Variants in ZNF333 observed in about 807,000 individuals in gnomAD.
The protein encoded by ZNF333 is zinc finger protein 333.
ZNF333 carries 61 observed loss-of-function variants against 76.1 expected under a neutral mutation model. That is an observed-to-expected ratio of 0.80 (90% CI 0.65 to 0.99). The LOEUF is 0.99. Ranked by LOEUF, ZNF333 falls within the 50% of genes least tolerant of loss-of-function variation. The pLI, the probability that ZNF333 is intolerant of heterozygous loss-of-function variation, is 0.00. For synonymous variants in ZNF333, 284 were observed against 305.0 expected (o/e 0.93, Z 0.72); for missense variants, 717 against 822.4 (o/e 0.87, Z 1.57).
chr19:14,713,777 G>T (rs1034052043), intron 7 of ZNF333, among the ~76,000 whole-genome samples: 5 of 152,066 alleles, frequency 3.3e-5, no homozygotes, highest in African/African-American at 1.2e-4. Context: ...GGGCAACATA[G>T]TGAGACCCCC....
exon 12 of ZNF333, chr19:14,733,069 T>C (rs1425702916): frequency 6.6e-6 from 1 of 152,232 alleles, no homozygotes. Flanking sequence ...GACTCTGATA[T>C]TCCCCATCTC....
rs184335737 is a variant in ZNF333 at position 14,718,578 on chromosome 19, C to T, written c.1251C>T (p.Thr417=). 6.9e-5 allele frequency: 112 copies of T among 1,614,052 alleles called. No individual in the cohort carries two copies. The highest frequency in any genetic ancestry group is 2.3e-4 in the African/African-American group (17 of 75,014). ...SNLRRHMRTH[T]GEKPFECSQC... is the part of the protein sequence containing the mutation. ...TCCGGCGACACATGAGAACCCATAC[C>T]GGAGAGAAGCCATTTGAATGTAGTC... The change falls in exon 12 of 12, where the codon ACC becomes ACT. Residue 417 remains threonine, a synonymous_variant. Transcript: ENST00000292530.
intron 7 of ZNF333, chr19:14,715,038 CGTGT>C (rs5827254): frequency 0.68 from 115,353 of 170,536 alleles, 39,925 homozygotes; most frequent in African/African-American, 0.85. Context: ...TGAAGGCGTG[CGTGT>C]GTGTGTGTGT....
At chr19:14,722,556 G>T (rs1484300517), downstream of ZNF333, among the ~76,000 whole-genome samples, 2 of 152,052 alleles carry the variant, frequency 1.3e-5, no homozygotes, top group Admixed American at 6.6e-5. Context: ...CATTCTAGGG[G>T]TTACCTTTTT....
chr19:14,708,371 G>A (rs372798203), intron 7 of ZNF333: 2 of 401,252 alleles, frequency 5.0e-6, no homozygotes, highest in African/African-American at 2.0e-5. Context: ...ATGGGGACCA[G>A]GAAACAGTCA....
intron 11 of ZNF333, among the ~76,000 whole-genome samples, chr19:14,727,487 G>A (rs1026289118): frequency 6.6e-6 from 1 of 152,170 alleles, no homozygotes; most frequent in Admixed American, 6.5e-5. Context: ...GCAAGAGACA[G>A]AGTAGAGACG....
At position 14,718,518 on chromosome 19, in the gene ZNF333, A is replaced by G. The variant is rs2042503992; in HGVS notation, c.1191A>G (p.Gln397=). 2 of 1,614,138 alleles carry G rather than the reference A, an allele frequency of 1.2e-6. No individual in the cohort carries two copies. Among genetic ancestry groups the G allele is most frequent in the Non-Finnish European group, 1.7e-6 (2 of 1,180,054 alleles). ...THTAEKCFDC[Q]ECGQAFKYSS... ...CTGCAGAGAAGTGCTTTGACTGTCA[A>G]GAATGTGGGCAAGCCTTCAAATATT... Residue 397 remains glutamine (Q), a synonymous_variant, in exon 12 of 12, where the codon CAA becomes CAG. Coordinates refer to ENST00000292530, the MANE Select transcript of ZNF333 (RefSeq NM_032433.4).
In ZNF333 at chr19:14,721,217, G is replaced by C. The variant is rs2042576591; in HGVS notation, c.*1892G>C. On this transcript the variant is annotated 3_prime_UTR_variant, in exon 12 of 12. Transcript: ENST00000292530. Reference sequence around the variant, plus strand: ...GCTATCAAAGTCATCTGGGTGGCATGTGACAGGCCTGACTCTCTCTACAGT... The same window carrying C: ...GCTATCAAAGTCATCTGGGTGGCATCTGACAGGCCTGACTCTCTCTACAGT... The C allele has an allele frequency of 6.6e-6, 1 of 151,974 alleles. No homozygotes were observed. The highest frequency in any genetic ancestry group is 2.5e-5 in the African/African-American group (1 of 40,734). 9.4% of individuals were successfully genotyped at this position (151,974 alleles called of 1,614,324 possible). A position where few individuals can be genotyped will look rare whatever the true frequency, so the allele number is the denominator to read the frequency against.
intron 6 of ZNF333, chr19:14,705,962 AG>A: frequency 2.6e-6 from 1 of 386,796 alleles, no homozygotes; most frequent in Non-Finnish European, 5.3e-6. Flanking sequence ...CTGCATGAGG[AG>A]AAAAGGCCTC....
At chr19:14,704,233 C>T (rs545530365) in intron 5 of ZNF333, among the ~76,000 whole-genome samples, 27 of 151,984 alleles carry the variant, frequency 1.8e-4, no homozygotes, top group Non-Finnish European at 3.1e-4. Flanking sequence ...TGGTGACTGC[C>T]GTAGGTGGGG....
chr19:14,699,304 C>G, intron 5 of ZNF333, 23 bp downstream of exon 5: 1 of 1,602,904 alleles, frequency 6.2e-7, no homozygotes. Context: ...GGGTTTTCCC[C>G]GGCTCCCAGC....
chr19:14,728,011 A>T (rs145996620), intron 11 of ZNF333, among the ~76,000 whole-genome samples: 5,364 of 152,254 alleles, frequency 0.035, 339 homozygotes, highest in African/African-American at 0.12. Context: ...TCACGAGGTC[A>T]GGAGATCGAG....
chr19:14,696,061 C>T (rs1383159883), intron 4 of ZNF333, among the ~76,000 whole-genome samples: 1 of 152,118 alleles, frequency 6.6e-6, no homozygotes, highest in Non-Finnish European at 1.5e-5. Context: ...ATCCCAGCTA[C>T]TTGGGAGGCT....
intron 1 of ZNF333, among the ~76,000 whole-genome samples, chr19:14,692,467 A>AG (rs1362531906): frequency 2.0e-5 from 3 of 152,174 alleles, no homozygotes; most frequent in Non-Finnish European, 4.4e-5. Flanking sequence ...CAGGTGAGAG[A>AG]GGGAGGCAGG....
intron 5 of ZNF333, among the ~76,000 whole-genome samples, chr19:14,703,424 C>T (rs1055160574): frequency 1.1e-4 from 17 of 152,104 alleles, no homozygotes; most frequent in South Asian, 4.1e-4. Flanking sequence ...ATAGGCAGAA[C>T]GCCTAAAAAC....
At position 14,699,314 on chromosome 19, in the gene ZNF333, CA is replaced by C. The variant is rs753535030; in HGVS notation, c.306+34del. On this transcript the variant is annotated intron_variant, in intron 5 of 11. Coordinates refer to ENST00000292530, the MANE Select transcript of ZNF333 (RefSeq NM_032433.4). ...GCACGGGGTTTTCCCCGGCTCCCAG[CA>C]TGGGAGAAGTTGAGGAACACGTGAG... 6.2e-5 allele frequency: 98 copies of C among 1,585,394 alleles called. 1 individual carries two copies. In the African/African-American group the frequency reaches 1.3e-3, roughly 20 times the overall value.
rs755270500 is a variant in ZNF333, at chr19:14,718,774, T to C, written c.1447T>C (p.Cys483Arg). 7.4e-6 allele frequency: 12 copies of C among 1,613,886 alleles called. No individual in the cohort carries two copies. The Admixed American group carries it at 1.2e-4, about 16-fold the overall frequency. The change falls in exon 12 of 12, where the codon TGT (cysteine) becomes CGT (arginine). Residue 483 changes from cysteine (C) to arginine (R), a missense_variant. By Grantham distance (180) the Cys-to-Arg change is radical (BLOSUM62 -3). Coordinates refer to ENST00000292530, the MANE Select transcript of ZNF333 (RefSeq NM_032433.4). ...TGEKPFECSQ[C>R]GKAFREHSSL... ...AGAGAAGCCCTTTGAATGCAGCCAG[T>C]GTGGGAAAGCCTTCAGGGAACACTC...
chr19:14,715,650 C>T (rs770749406), intron 8 of ZNF333, among the ~76,000 whole-genome samples, 180 bp downstream of exon 8: 33 of 152,190 alleles, frequency 2.2e-4, no homozygotes, highest in Non-Finnish European at 4.0e-4. Flanking sequence ...CTCATTCAGA[C>T]CCTCCCCAGG....
intron 9 of ZNF333, 26 bp from the exon 10 acceptor site, chr19:14,716,965 CACA>C: frequency 6.3e-7 from 1 of 1,590,666 alleles, no homozygotes; most frequent in Non-Finnish European, 8.6e-7. Context: ...ACAGTCCTCG[CACA>C]ACATGTGTTT....
Sources: gnomAD v4.1 joint callset for allele counts (sites outside exome capture counted in the v4.1 genomes callset) on GRCh38, gnomAD v4.1.1 for gene constraint, MANE v1.5 for transcripts, NCBI Gene and HGNC (gene_info 2026-07-23, HGNC 2026-07-21) for gene names.